DDX6: variants seen among roughly 807,000 people sequenced by gnomAD.
DDX6 encodes the protein DEAD-box helicase 6.
Under a neutral mutation model 60.6 loss-of-function variants are expected in DDX6, and 7 were observed. That is an observed-to-expected ratio of 0.12 (90% CI 0.07 to 0.22). DDX6 has a LOEUF of 0.22. Ranked by LOEUF, DDX6 falls within the 10% of genes least tolerant of loss-of-function variation. The pLI is 1.00. For synonymous variants in DDX6, 207 were observed against 201.0 expected (o/e 1.03, Z -0.25); for missense variants, 270 against 589.9 (o/e 0.46, Z 5.62).
intron 2 of DDX6, 31 bp downstream of exon 2, chr11:118,786,021 G>A (rs766031469): frequency 2.5e-6 from 4 of 1,590,288 alleles, no homozygotes; most frequent in Non-Finnish European, 3.4e-6. Context: ...TTCCCCACAA[G>A]TGTTTATTAA....
chr11:118,772,351 C>T (rs781957167), intron 4 of DDX6, among the ~76,000 whole-genome samples: 10 of 152,062 alleles, frequency 6.6e-5, no homozygotes, highest in Non-Finnish European at 1.3e-4. Flanking sequence ...CAAGCTACAA[C>T]ACAGATGAAC....
At position 118,786,655 on chromosome 11, in the gene DDX6, G is replaced by A. The variant is rs138589273; in HGVS notation, c.-267-137C>T. ...TACAGCTACACTTAGACCAAATCAC[G>A]AGCCAAGCTAGGATAGACACAACTT... On this transcript the variant is annotated intron_variant, in intron 1 of 13. Transcript: ENST00000534980. The A allele has an allele frequency of 4.3e-4, 76 of 175,706 alleles. No individual in the cohort carries two copies. In the East Asian group the frequency reaches 5.5e-3, roughly 13 times the overall value. The allele number at this position is 175,706 out of a possible 1,614,324, so 10.9% of individuals were successfully genotyped here.
At chr11:118,788,387 A>T (rs183737818) in intron 1 of DDX6, 2 of 152,120 alleles carry the variant, frequency 1.3e-5, no homozygotes, top group South Asian at 2.1e-4. Flanking sequence ...TGGAAATCTT[A>T]CTTACTTTTA....
chr11:118,782,641 A>G (rs1591923392), intron 2 of DDX6, among the ~76,000 whole-genome samples: 2 of 67,380 alleles, frequency 3.0e-5, no homozygotes, highest in East Asian at 8.9e-4. Flanking sequence ...TACTGTACTA[A>G]AGCCTTTTTT....
chr11:118,784,995 C>G (rs6421568), intron 2 of DDX6, among the ~76,000 whole-genome samples: 131,454 of 152,226 alleles, frequency 0.86, 56,954 homozygotes, highest in East Asian at 1. Flanking sequence ...CTCGAACTCC[C>G]GACCTCAGGT....
chr11:118,780,114 CAAAAAAAAAAAAAAAA>C (rs71044492), intron 3 of DDX6, among the ~76,000 whole-genome samples: 11 of 40,286 alleles, frequency 2.7e-4, no homozygotes, highest in Admixed American at 4.7e-4. Context: ...GACTCTATCT[CAAAAAAAAAAAAAAAA>C]AAAAAAAAAA....
Position 118,779,756 on chromosome 11 carries a change from C to T in DDX6, c.265-20G>A. 1 of 1,526,736 alleles carries T rather than the reference C, an allele frequency of 6.5e-7. No homozygotes were observed. Among genetic ancestry groups the T allele is most frequent in the Non-Finnish European group, 9.0e-7 (1 of 1,115,268 alleles). 94.6% of individuals were successfully genotyped at this position (1,526,736 alleles called of 1,614,324 possible). On this transcript the variant is annotated intron_variant, in intron 3 of 13. Coordinates refer to ENST00000534980, the MANE Select transcript of DDX6 (RefSeq NM_004397.6). The stretch of plus-strand genomic sequence containing the variant: ...CACATCCTAGTCAAACAAAAAGGAA[C>T]AATAAAAGAATAAATAACACTGTTG...
At chr11:118,776,403 C>G (rs529169514) in intron 4 of DDX6, among the ~76,000 whole-genome samples, 1 of 152,172 alleles carries the variant, frequency 6.6e-6, no homozygotes, top group East Asian at 1.9e-4. Context: ...TTAATCTGGG[C>G]AGTTCCCTAC....
rs1860705618 is a variant in DDX6 at position 118,750,090 on chromosome 11, A to G, written c.*2015T>C. Reference sequence around the variant, plus strand: ...TTCAAGTAATTGATTCCTTTGTCCAAAAGAGTTAAAACATTAAAGTATATG... The same window carrying G: ...TTCAAGTAATTGATTCCTTTGTCCAGAAGAGTTAAAACATTAAAGTATATG... On this transcript the variant is annotated 3_prime_UTR_variant, in exon 14 of 14. Transcript: ENST00000534980. 6.6e-6 allele frequency: 1 copy of G among 152,640 alleles called. No homozygotes were observed. Among genetic ancestry groups the G allele is most frequent in the African/African-American group, 2.4e-5 (1 of 41,456 alleles). 9.5% of individuals were successfully genotyped at this position (152,640 alleles called of 1,614,324 possible). A position where few individuals can be genotyped will look rare whatever the true frequency, so the allele number is the denominator to read the frequency against.
intron 5 of DDX6, among the ~76,000 whole-genome samples, chr11:118,766,245 A>C (rs974693310): frequency 1.3e-5 from 2 of 150,912 alleles, no homozygotes; most frequent in African/African-American, 4.9e-5. Flanking sequence ...TGGGCAACAT[A>C]GCAAGACCCC....
chr11:118,775,231 G>A (rs1055958695), intron 4 of DDX6, among the ~76,000 whole-genome samples: 4 of 152,098 alleles, frequency 2.6e-5, no homozygotes, highest in Non-Finnish European at 4.4e-5. Context: ...CACGAGAATC[G>A]CTTGAACCCG....
Position 118,754,701 on chromosome 11 carries a change from G to A in DDX6, c.*7+4C>T, listed in dbSNP as rs533868092. 32 of 1,599,320 alleles carry A rather than the reference G, an allele frequency of 2.0e-5. No individual in the cohort carries two copies. The highest frequency in any genetic ancestry group is 5.4e-5 in the African/African-American group (4 of 73,994). On this transcript the variant is annotated splice_donor_region_variant and intron_variant, in intron 13 of 13. Transcript: ENST00000534980. Reference sequence around the variant, plus strand: ...TCCTCTTAGCTGTTCTGTCAGGGACGTACATGCTTGTTAAGGTTTCTCATC... The same window carrying A: ...TCCTCTTAGCTGTTCTGTCAGGGACATACATGCTTGTTAAGGTTTCTCATC...
intron 1 of DDX6, among the ~76,000 whole-genome samples, chr11:118,790,663 C>T (rs1278743700): frequency 6.6e-6 from 1 of 152,176 alleles, no homozygotes; most frequent in Non-Finnish European, 1.5e-5. Context: ...CCTGTTCCTC[C>T]TGCCGACCCT....
At chr11:118,752,750 T>C (rs1860820142) in intron 13 of DDX6, among the ~76,000 whole-genome samples, 1 of 152,204 alleles carries the variant, frequency 6.6e-6, no homozygotes, top group South Asian at 2.1e-4. Context: ...TGCTTAAAGC[T>C]GAGCCTTGTT....
Position 118,751,961 on chromosome 11 carries a change from T to TA in DDX6, c.*143dup, listed in dbSNP as rs545932110. 7 of 396,260 alleles carry TA rather than the reference T, an allele frequency of 1.8e-5. No individual in the cohort carries two copies. Among genetic ancestry groups the TA allele is most frequent in the East Asian group, 8.5e-5 (1 of 11,754 alleles). The allele number at this position is 396,260 out of a possible 1,614,324, so 24.5% of individuals were successfully genotyped here. ...TTTCAGCCTTTTTCTCTTCACCAGT[T>TA]AAAAAAAGAAAATGTCTGAGCTCTT... On this transcript the variant is annotated 3_prime_UTR_variant, in exon 14 of 14. Coordinates refer to ENST00000534980, the MANE Select transcript of DDX6 (RefSeq NM_004397.6).
chr11:118,773,100 G>A (rs1041311651), intron 4 of DDX6, among the ~76,000 whole-genome samples: 1 of 152,004 alleles, frequency 6.6e-6, no homozygotes, highest in East Asian at 1.9e-4. Context: ...AAGTTAGATC[G>A]AGTTGGTTTC....
rs137979862 is a variant in DDX6 at position 118,750,149 on chromosome 11, AAAAT to A, written c.*1952_*1955del. ...ATTTTGTAATATTTTAGGGTTTTGA[AAAAT>A]AAAATATGGAAATCAATTTTTTTTA... On this transcript the variant is annotated 3_prime_UTR_variant, in exon 14 of 14. Transcript: ENST00000534980. The A allele has an allele frequency of 0.4, 60,146 of 152,126 alleles. 12,252 individuals are homozygous for A. The highest frequency in any genetic ancestry group is 0.52 in the Admixed American group (7,922 of 15,236). 9.4% of individuals were successfully genotyped at this position (152,126 alleles called of 1,614,324 possible). A position where few individuals can be genotyped will look rare whatever the true frequency, so the allele number is the denominator to read the frequency against.
rs1407893280 is a variant in DDX6, at chr11:118,747,908, C to CG, written c.*4196_*4197insC. The CG allele has an allele frequency of 7.4e-6, 1 of 134,498 alleles. No homozygotes were observed. Among genetic ancestry groups the CG allele is most frequent in the Non-Finnish European group, 1.6e-5 (1 of 62,042 alleles). 8.3% of individuals were successfully genotyped at this position (134,498 alleles called of 1,614,324 possible). A position where few individuals can be genotyped will look rare whatever the true frequency, so the allele number is the denominator to read the frequency against. ...CATCCCAACAAAAACAGAGCCCCCC[C>CG]CCCCCCCACTGGAACATCTGCCAAT... On this transcript the variant is annotated 3_prime_UTR_variant, in exon 14 of 14. Transcript: ENST00000534980.
chr11:118,755,915 G>C (rs974052915), intron 11 of DDX6, among the ~76,000 whole-genome samples: 9 of 152,070 alleles, frequency 5.9e-5, no homozygotes, highest in African/African-American at 1.9e-4. Context: ...CTACTTGGGA[G>C]GCTGAGGCAG....
Sources: allele counts gnomAD v4.1 joint callset (sites outside exome capture counted in the v4.1 genomes callset), GRCh38; gene constraint gnomAD v4.1.1; transcripts MANE v1.5; gene names NCBI Gene and HGNC (gene_info 2026-07-23, HGNC 2026-07-21).